The following GLB1 variants were observed in gnomAD, a reference collection of about 807,000 sequenced individuals.
The protein encoded by GLB1 is beta-galactosidase.
In GLB1, 56 loss-of-function variants were observed where a neutral mutation model predicts 74.0. That is an observed-to-expected ratio of 0.76 (90% confidence interval 0.61 to 0.94). The LOEUF is 0.94. Ranked by LOEUF, GLB1 falls within the 40% of genes least tolerant of loss-of-function variation. The pLI is 0.00. For synonymous variants in GLB1, 323 were observed against 323.6 expected (o/e 1.00, Z 0.02); for missense variants, 787 against 845.5 (o/e 0.93, Z 0.86).
rs748621486 is a variant in GLB1 at position 33,094,221 on chromosome 3, C to A, written c.75+2790G>T. On this transcript the variant is annotated intron_variant, in intron 1 of 15. Transcript: ENST00000307363. ...TTTCTCTGCTCCTAGTAGGCTCCCC[C>A]ACCAGTTCTGTGCTGGTGGACTCTG... 7.0e-6 allele frequency: 11 copies of A among 1,570,200 alleles called. No homozygotes were observed. In the Admixed American group the frequency reaches 1.3e-4, roughly 18 times the overall value.
chr3:33,039,860 A>G (rs1164119861), intron 10 of GLB1, among the ~76,000 whole-genome samples: 2 of 152,242 alleles, frequency 1.3e-5, no homozygotes, highest in African/African-American at 2.4e-5. Context: ...TGAAAAGGAA[A>G]TCTTAAAAGC....
the GLB1 span, among the ~76,000 whole-genome samples, chr3:32,986,136 T>G: frequency 2.0e-5 from 3 of 152,382 alleles, no homozygotes; most frequent in African/African-American, 7.2e-5. Context: ...TTGGCAATTA[T>G]GGAAGCAGCG....
Position 33,093,491 on chromosome 3 carries a change from C to A in GLB1, c.75+3520G>T. ...CAATCACCGTGATGTCTGGTTCCAG[C>A]ACATTCACCATCCTCACAAACATTT... On this transcript the variant is annotated intron_variant, in intron 1 of 15. Coordinates refer to ENST00000307363, the MANE Select transcript of GLB1 (RefSeq NM_000404.4). This position sits in a 1 kb window ranked among gnomAD's most constrained non-coding sequence, Gnocchi z 6.0. 1 of 1,614,176 alleles carries A rather than the reference C, an allele frequency of 6.2e-7. No homozygotes were observed. The highest frequency in any genetic ancestry group is 8.5e-7 in the Non-Finnish European group (1 of 1,180,034).
chr3:33,042,700 C>T (rs1698557517), intron 10 of GLB1, among the ~76,000 whole-genome samples: 1 of 152,166 alleles, frequency 6.6e-6, no homozygotes, highest in Non-Finnish European at 1.5e-5. Flanking sequence ...TTACTGGGCT[C>T]CAGCCACACT....
chr3:33,014,244 T>C lies in GLB1; in HGVS notation c.1546A>G (p.Thr516Ala). 6.2e-7 allele frequency: 1 copy of C among 1,614,136 alleles called. No homozygotes were observed. The highest frequency in any genetic ancestry group is 8.5e-7 in the Non-Finnish European group (1 of 1,180,008). Residue 516 changes from threonine (T) to alanine (A), a missense_variant, in exon 15 of 16, where the codon ACT becomes GCT. Thr to Ala is a moderately conservative substitution (Grantham distance 58). Coordinates refer to ENST00000307363, the MANE Select transcript of GLB1 (RefSeq NM_000404.4). ...AGGTGGCTGCACACTGCATCCTCAG[T>C]GTCCAGTGGAAAGATCGTCCAGTCC... The part of the protein sequence containing the change: ...LTDWTIFPLD[T>A]EDAVCSHLGG...
the GLB1 span, among the ~76,000 whole-genome samples, chr3:32,983,331 T>C: frequency 6.6e-6 from 1 of 152,196 alleles, no homozygotes; most frequent in Non-Finnish European, 1.5e-5. Context: ...ATATCATTTC[T>C]TCTGATCTAC....
intron 10 of GLB1, chr3:33,045,455 C>T: frequency 1.0e-6 from 1 of 985,332 alleles, no homozygotes; most frequent in Non-Finnish European, 1.2e-6. Context: ...GTTCCTCATT[C>T]TGAAATCACA....
intron 9 of GLB1, among the ~76,000 whole-genome samples, chr3:33,046,780 A>G (rs62250474): frequency 0.12 from 18,602 of 152,138 alleles, 1,276 homozygotes; most frequent in Admixed American, 0.17. Context: ...GTTCAAACAT[A>G]ATCCGAGGGC....
intron 5 of GLB1, among the ~76,000 whole-genome samples, chr3:33,058,623 G>T (rs536993191): frequency 6.6e-6 from 1 of 152,026 alleles, no homozygotes; most frequent in Non-Finnish European, 1.5e-5. Context: ...AAAATGAAAA[G>T]AAAACAGGAA....
intron 15 of GLB1, among the ~76,000 whole-genome samples, chr3:33,009,672 T>A (rs1696941566): frequency 6.6e-6 from 1 of 152,216 alleles, no homozygotes; most frequent in African/African-American, 2.4e-5. Context: ...AAAACAAGTC[T>A]AAATACATTT....
rs1451345992 is a variant in GLB1, at chr3:32,999,587, C to T, written c.1735-2243G>A. 1.3e-5 allele frequency among the ~76,000 whole-genome samples: 2 copies of T among 152,184 alleles called. 1 individual carries two copies. Among genetic ancestry groups the T allele is most frequent in the Non-Finnish European group, 2.9e-5 (2 of 68,036 alleles). On this transcript the variant is annotated intron_variant, in intron 15 of 15. Coordinates refer to ENST00000307363, the MANE Select transcript of GLB1 (RefSeq NM_000404.4). ...GTAGGTAAGCTGGGAATTGTTTTCCCTGGATCCCCTTCCCTGGATGGTTCT... is the reference window on the plus strand; with the variant it reads ...GTAGGTAAGCTGGGAATTGTTTTCCTTGGATCCCCTTCCCTGGATGGTTCT...
chr3:32,988,869 T>C, the GLB1 span, among the ~76,000 whole-genome samples: 1 of 152,122 alleles, frequency 6.6e-6, no homozygotes, highest in African/African-American at 2.4e-5. Flanking sequence ...CAAGCTCTTT[T>C]TTTCTTGTAG....
chr3:32,989,562 C>T, the GLB1 span, among the ~76,000 whole-genome samples: 1 of 152,206 alleles, frequency 6.6e-6, no homozygotes, highest in Non-Finnish European at 1.5e-5. Flanking sequence ...ATATACCGGG[C>T]ATTCTGCTCA....
downstream of GLB1, chr3:32,996,610 T>C: frequency 3.9e-6 from 1 of 258,834 alleles, no homozygotes; most frequent in South Asian, 4.8e-5. Flanking sequence ...ACCAAGACTA[T>C]TTTCCATCCT....
the GLB1 span, among the ~76,000 whole-genome samples, chr3:32,967,023 A>G: frequency 4.6e-5 from 7 of 152,196 alleles, no homozygotes; most frequent in Non-Finnish European, 1.0e-4. Flanking sequence ...AACTAATACA[A>G]TACTTAATGG....
In GLB1 at chr3:33,021,687, T is replaced by C. The variant is rs1398974755; in HGVS notation, c.1144-32A>G. ...AGAAACAAAAGCAGCATTCACACAC[T>C]GCACCCCTCACTGGTCATCAGGTTA... On this transcript the variant is annotated intron_variant, in intron 11 of 15. Coordinates refer to ENST00000307363, the MANE Select transcript of GLB1 (RefSeq NM_000404.4). The C allele has an allele frequency of 5.6e-6, 9 of 1,604,766 alleles. 1 individual carries two copies. Among genetic ancestry groups the C allele is most frequent in the Middle Eastern group, 3.3e-4 (2 of 6,060 alleles).
At chr3:33,026,068 C>T (rs1377019450) in intron 10 of GLB1, among the ~76,000 whole-genome samples, 1 of 152,116 alleles carries the variant, frequency 6.6e-6, no homozygotes, top group African/African-American at 2.4e-5. Context: ...TAGAGCTGTG[C>T]CCGGGGCAGT....
In GLB1 at chr3:33,037,417, C is replaced by A. The variant is rs562820420; in HGVS notation, c.1068+8703G>T. Among the ~76,000 whole-genome samples the A allele has an allele frequency of 3.3e-5, 5 of 152,200 alleles. No individual in the cohort carries two copies. In the East Asian group the frequency reaches 9.6e-4, roughly 29 times the overall value. ...ATGGGAGAAATGTATGTGAATTATA[C>A]CTCAACAAATCTGTTTAGAAAATAA... On this transcript the variant is annotated intron_variant, in intron 10 of 15. Transcript: ENST00000307363.
At chr3:33,091,478 C>G in intron 1 of GLB1, 3 of 985,470 alleles carry the variant, frequency 3.0e-6, no homozygotes, top group Non-Finnish European at 3.6e-6. Flanking sequence ...ACTGGCTGCT[C>G]CATGAATCCT....
Sources: gnomAD v4.1 joint callset for allele counts (sites outside exome capture counted in the v4.1 genomes callset) on GRCh38, gnomAD v4.1.1 for gene constraint, Gnocchi (gnomAD v3.1) non-coding constraint, MANE v1.5 for transcripts, NCBI Gene and HGNC (gene_info 2026-07-23, HGNC 2026-07-21) for gene names.